The following ZC3H12B variants were observed in gnomAD, a reference collection of about 807,000 sequenced individuals.
The protein encoded by ZC3H12B is probable ribonuclease ZC3H12B.
Under a neutral mutation model 43.9 loss-of-function variants are expected in ZC3H12B, and 7 were observed. The observed-to-expected ratio is 0.16, with a 90% CI of 0.09 to 0.30. The LOEUF is 0.30. Among genes scored for constraint, ZC3H12B ranks in the 10% least tolerant of loss-of-function variants. The probability of loss-of-function intolerance (pLI) is 1.00; values close to 1 mark genes in which losing one functional copy is unlikely to be tolerated. For synonymous variants in ZC3H12B, 222 were observed against 241.7 expected (o/e 0.92, Z 0.76); for missense variants, 475 against 670.2 (o/e 0.71, Z 3.22).
rs2066293414 is a variant in ZC3H12B at position 65,373,949 on chromosome X, A to ATATATATATATAC, written n.295+4961_295+4962insTACTATATATATA. 7.0e-4 allele frequency among the ~76,000 whole-genome samples: 2 copies of ATATATATATATAC among 2,854 alleles called. 1 individual carries two copies. The highest frequency in any genetic ancestry group is 7.8e-4 in the African/African-American group (2 of 2,557). The allele number at this position is 2,854 out of a possible 115,157, so 2.5% of individuals were successfully genotyped here. ...ATATATATAGTATATATATATAGTT[A>ATATATATATATAC]TATATATATACTGTATATATAGTAT... On this transcript the variant is annotated intron_variant and non_coding_transcript_variant, in intron 2 of 5. Transcript: ENST00000617377.
At chrX:65,279,376 A>G in the ZC3H12B span, among the ~76,000 whole-genome samples, 2 of 102,267 alleles carry the variant, frequency 2.0e-5, no homozygotes, top group Admixed American at 2.2e-4. Flanking sequence ...TTTGATTTGC[A>G]TTTCTCTCAT....
chrX:65,503,300 T>C, exon 5 of ZC3H12B: 1 of 826,890 alleles, frequency 1.2e-6, no homozygotes, highest in Non-Finnish European at 1.7e-6. Flanking sequence ...TAATTTGTGT[T>C]GCGCTTTACA....
chrX:65,162,333 G>A, the ZC3H12B span, among the ~76,000 whole-genome samples: 2 of 112,042 alleles, frequency 1.8e-5, no homozygotes, highest in Non-Finnish European at 3.8e-5. Context: ...GATTGGGCAA[G>A]TTCTCCTGGA....
At chrX:65,246,898 T>G in the ZC3H12B span, among the ~76,000 whole-genome samples, 1 of 111,923 alleles carries the variant, frequency 8.9e-6, no homozygotes, top group Non-Finnish European at 1.9e-5. Context: ...AAACAAAAAT[T>G]GACAAATGGG....
intron 3 of ZC3H12B, among the ~76,000 whole-genome samples, chrX:65,412,951 C>G (rs1245181873): frequency 9.0e-6 from 1 of 111,076 alleles, no homozygotes; most frequent in Non-Finnish European, 1.9e-5. Flanking sequence ...ACATTCTCGC[C>G]AACAATTCTC....
At chrX:65,187,663 T>C in the ZC3H12B span, among the ~76,000 whole-genome samples, 2 of 108,900 alleles carry the variant, frequency 1.8e-5, no homozygotes, top group Admixed American at 2.0e-4. Flanking sequence ...TACTTTTTTT[T>C]TTTTTTTACT....
At chrX:65,439,805 G>A (rs1482836115) in intron 3 of ZC3H12B, among the ~76,000 whole-genome samples, 1 of 111,150 alleles carries the variant, frequency 9.0e-6, no homozygotes, top group Non-Finnish European at 1.9e-5. Flanking sequence ...TAGGTGGGTG[G>A]CTGTGTTCGA....
chrX:65,401,608 T>C (rs2066763335), intron 3 of ZC3H12B, among the ~76,000 whole-genome samples: 1 of 111,786 alleles, frequency 8.9e-6, no homozygotes, highest in Non-Finnish European at 1.9e-5. Context: ...CCAGCACAGT[T>C]AAGGGAGATC....
intron 3 of ZC3H12B, among the ~76,000 whole-genome samples, chrX:65,465,946 T>A (rs1289910959): frequency 9.0e-6 from 1 of 110,512 alleles, no homozygotes; most frequent in Non-Finnish European, 1.9e-5. Flanking sequence ...TGTAAAATAT[T>A]CACCACAAAA....
At chrX:65,324,350 C>G in the ZC3H12B span, among the ~76,000 whole-genome samples, 1 of 111,311 alleles carries the variant, frequency 9.0e-6, no homozygotes, top group South Asian at 3.7e-4. Flanking sequence ...AGTCTTTAAT[C>G]CATCTTGAGT....
the ZC3H12B span, among the ~76,000 whole-genome samples, chrX:65,303,233 G>A: frequency 2.7e-5 from 3 of 110,632 alleles, no homozygotes; most frequent in Non-Finnish European, 5.7e-5. Flanking sequence ...ACGGGAGGAA[G>A]GAGAGGAGCA....
At chrX:65,463,504 T>A (rs774169441) in intron 3 of ZC3H12B, among the ~76,000 whole-genome samples, 18 of 111,690 alleles carry the variant, frequency 1.6e-4, no homozygotes, top group Non-Finnish European at 2.1e-4. Flanking sequence ...ACTCGGTCAA[T>A]AGAAATTTAT....
chrX:65,279,249 T>C, the ZC3H12B span, among the ~76,000 whole-genome samples: 1 of 109,986 alleles, frequency 9.1e-6, no homozygotes, highest in African/African-American at 3.3e-5. Context: ...TAATTTCCAC[T>C]CTCACCAATG....
chrX:65,096,104 CTG>C, the ZC3H12B span, among the ~76,000 whole-genome samples: 6 of 109,858 alleles, frequency 5.5e-5, no homozygotes, highest in African/African-American at 2.0e-4. Flanking sequence ...TTAAAAATAA[CTG>C]TGATTGTGAA....
the ZC3H12B span, among the ~76,000 whole-genome samples, chrX:65,219,603 G>A: frequency 3.6e-5 from 4 of 111,169 alleles, no homozygotes; most frequent in African/African-American, 6.5e-5. Flanking sequence ...GTCCAACAAA[G>A]ACAAAAAGAA....
At chrX:65,437,987 G>A (rs759960217) in intron 3 of ZC3H12B, among the ~76,000 whole-genome samples, 2 of 112,298 alleles carry the variant, frequency 1.8e-5, no homozygotes, top group South Asian at 7.4e-4. Context: ...ACCTCTTATT[G>A]AAGAGATTGT....
chrX:65,049,245 A>C, the ZC3H12B span, among the ~76,000 whole-genome samples: 1 of 111,109 alleles, frequency 9.0e-6, no homozygotes, highest in Non-Finnish European at 1.9e-5. Flanking sequence ...AATCATTCCC[A>C]AGACTGATGT....
intron 3 of ZC3H12B, among the ~76,000 whole-genome samples, chrX:65,428,949 CTGT>C (rs920518793): frequency 1.8e-5 from 2 of 112,182 alleles, no homozygotes; most frequent in African/African-American, 3.2e-5. Flanking sequence ...TTTGTTAATG[CTGT>C]TGTTGTTGTT....
At chrX:65,485,000 C>T (rs1208651374), upstream of ZC3H12B, among the ~76,000 whole-genome samples, 1 of 111,639 alleles carries the variant, frequency 9.0e-6, no homozygotes, top group Non-Finnish European at 1.9e-5. Context: ...CAGATTTTGC[C>T]TGCATATGTT....
Sources: allele counts gnomAD v4.1 joint callset (sites outside exome capture counted in the v4.1 genomes callset), GRCh38; gene constraint gnomAD v4.1.1; transcripts MANE v1.5; gene names NCBI Gene and HGNC (gene_info 2026-07-23, HGNC 2026-07-21).